The following ACOXL variants were observed in gnomAD, a reference collection of about 807,000 sequenced individuals.
ACOXL encodes the protein acyl-coenzyme A oxidase-like protein.
A neutral mutation model predicts 71.9 loss-of-function variants in ACOXL; 70 were observed. That is an observed-to-expected ratio of 0.97 (90% CI 0.80 to 1.19). The LOEUF is 1.19. ACOXL is among the 50% of genes most tolerant of loss of function. The pLI is 0.00. For synonymous variants in ACOXL, 253 were observed against 281.6 expected (o/e 0.90, Z 1.02); for missense variants, 703 against 736.3 (o/e 0.95, Z 0.52).
intron 10 of ACOXL, among the ~76,000 whole-genome samples, chr2:110,882,786 T>A (rs1048536418): frequency 1.1e-4 from 17 of 152,186 alleles, no homozygotes; most frequent in African/African-American, 1.7e-4. Context: ...TTTCAGGCCT[T>A]TTATTGATCA....
chr2:110,791,285 A>G (rs1559265745), intron 3 of ACOXL, among the ~76,000 whole-genome samples: 2 of 152,356 alleles, frequency 1.3e-5, no homozygotes, highest in East Asian at 3.9e-4. Flanking sequence ...CAGGGTGCCT[A>G]CTAAGACATT....
At chr2:111,042,988 GGAAGTGCTGA>G (rs1299628381) in intron 15 of ACOXL, among the ~76,000 whole-genome samples, 2 of 152,196 alleles carry the variant, frequency 1.3e-5, no homozygotes, top group Non-Finnish European at 2.9e-5. Flanking sequence ...CTGTCCCTTG[GGAAGTGCTGA>G]GATCCCAGTG....
At chr2:110,827,172 G>A (rs560496724) in intron 9 of ACOXL, among the ~76,000 whole-genome samples, 1 of 152,306 alleles carries the variant, frequency 6.6e-6, no homozygotes, top group Non-Finnish European at 1.5e-5. Flanking sequence ...GATGGAAGAT[G>A]AACACACAGC....
At chr2:110,867,406 AT>A (rs756119248) in intron 10 of ACOXL, among the ~76,000 whole-genome samples, 2 of 152,184 alleles carry the variant, frequency 1.3e-5, no homozygotes, top group African/African-American at 2.4e-5. Context: ...TCCATCCATC[AT>A]TCTGTGCACA....
chr2:110,993,676 G>A (rs1262374113), intron 13 of ACOXL, among the ~76,000 whole-genome samples: 1 of 152,142 alleles, frequency 6.6e-6, no homozygotes, highest in Non-Finnish European at 1.5e-5. Context: ...CATAGGGTAT[G>A]TGTTCATTTA....
chr2:110,897,031 T>G (rs2059036810), intron 10 of ACOXL, among the ~76,000 whole-genome samples: 1 of 151,822 alleles, frequency 6.6e-6, no homozygotes, highest in African/African-American at 2.4e-5. Context: ...CAGAGTGAGT[T>G]CTCTGACCAT....
Position 111,117,746 on chromosome 2 carries a change from C to T in ACOXL, c.1673C>T (p.Pro558Leu), listed in dbSNP as rs1217208060. ...SNPRAAWAFY[P>L]APLQPRPREE... ...CCGCGGGCCGCGTGGGCTTTCTACC[C>T]TGCACCGCTGCAGCCGCGGCCACGG... Residue 558 changes from proline to leucine, a missense_variant, in exon 18 of 18, where the codon CCT becomes CTT. By Grantham distance (98) the Pro-to-Leu change is moderately conservative. Coordinates refer to ENST00000439055, the MANE Select transcript of ACOXL (RefSeq NM_001142807.4). 1.3e-5 allele frequency: 20 copies of T among 1,551,568 alleles called. No homozygotes were observed. Among genetic ancestry groups the T allele is most frequent in the Non-Finnish European group, 1.7e-5 (20 of 1,146,994 alleles).
chr2:111,054,201 C>G (rs1187814253), intron 16 of ACOXL, among the ~76,000 whole-genome samples: 1 of 152,214 alleles, frequency 6.6e-6, no homozygotes, highest in Non-Finnish European at 1.5e-5. Context: ...GTAGAAAAAC[C>G]AAGCTGCCTG....
chr2:110,817,952 C>CTT (rs1193171202), intron 9 of ACOXL, among the ~76,000 whole-genome samples: 35 of 115,732 alleles, frequency 3.0e-4, no homozygotes, highest in African/African-American at 6.7e-4. Flanking sequence ...ATGCTCCTGA[C>CTT]TTTTTTTTTT....
intron 1 of ACOXL, among the ~76,000 whole-genome samples, chr2:110,751,298 CAAAAAAAAAAAAA>C (rs765632647): frequency 4.5e-5 from 2 of 44,012 alleles, no homozygotes; most frequent in African/African-American, 1.5e-4. Flanking sequence ...GACTCCGTCT[CAAAAAAAAAAAAA>C]AAAAAAAAAA....
chr2:110,915,428 A>ATATTTTTTTTT (rs1315085098), intron 11 of ACOXL, among the ~76,000 whole-genome samples: 1 of 108,014 alleles, frequency 9.3e-6, no homozygotes, highest in African/African-American at 3.6e-5. Context: ...ATATATATAT[A>ATATTTTTTTTT]TTTTTTTTTT....
chr2:110,949,669 T>A (rs1451880173), intron 12 of ACOXL, among the ~76,000 whole-genome samples: 1 of 152,188 alleles, frequency 6.6e-6, no homozygotes, highest in African/African-American at 2.4e-5. Context: ...CATTTTTGAC[T>A]CCCTGACATT....
rs70958751 is a variant in ACOXL at position 110,960,697 on chromosome 2, G to GTTT, written c.1060-26402_1060-26400dup. Among the ~76,000 whole-genome samples the GTTT allele has an allele frequency of 3.5e-5, 5 of 143,000 alleles. No individual in the cohort carries two copies. The South Asian group carries it at 1.1e-3, about 31-fold the overall frequency. 93.8% of individuals were successfully genotyped at this position (143,000 alleles called of 152,430 possible). A position where few individuals can be genotyped will look rare whatever the true frequency, so the allele number is the denominator to read the frequency against. Reference sequence around the variant, plus strand: ...TTTTTTTAATGTATAAATTTTCTGGGTTTTTTTTTTTAACATTGCTTGTGT... The same window carrying GTTT: ...TTTTTTTAATGTATAAATTTTCTGGGTTTTTTTTTTTTTTAACATTGCTTGTGT... On this transcript the variant is annotated intron_variant, in intron 12 of 17. Coordinates refer to ENST00000439055, the MANE Select transcript of ACOXL (RefSeq NM_001142807.4).
chr2:111,087,031 C>G (rs772050506), intron 16 of ACOXL, among the ~76,000 whole-genome samples: 4 of 152,126 alleles, frequency 2.6e-5, no homozygotes, highest in Non-Finnish European at 5.9e-5. Context: ...AGAGCCAAAT[C>G]AGGAATGCAA....
intron 1 of ACOXL, among the ~76,000 whole-genome samples, chr2:110,749,709 C>T (rs1678674739): frequency 2.0e-5 from 3 of 152,208 alleles, no homozygotes; most frequent in Non-Finnish European, 4.4e-5. Flanking sequence ...GCCTGGGTGA[C>T]AGAGGGAGAC....
At chr2:110,867,495 T>G (rs1227266758) in intron 10 of ACOXL, among the ~76,000 whole-genome samples, 1 of 152,226 alleles carries the variant, frequency 6.6e-6, no homozygotes, top group African/African-American at 2.4e-5. Flanking sequence ...CCCTGATCAC[T>G]GGCATCTGTA....
chr2:110,764,562 A>G (rs937846138), intron 1 of ACOXL, among the ~76,000 whole-genome samples: 1 of 152,228 alleles, frequency 6.6e-6, no homozygotes, highest in Non-Finnish European at 1.5e-5. Context: ...GTATGATACT[A>G]TAATAGTAGA....
chr2:111,074,951 G>A (rs1014206879), intron 16 of ACOXL, among the ~76,000 whole-genome samples: 2 of 152,134 alleles, frequency 1.3e-5, no homozygotes, highest in Non-Finnish European at 2.9e-5. Context: ...TGGTCATGAT[G>A]TATTATTCTT....
chr2:110,938,608 G>C (rs1012959458), intron 12 of ACOXL, among the ~76,000 whole-genome samples: 3 of 152,236 alleles, frequency 2.0e-5, no homozygotes, highest in African/African-American at 7.2e-5. Context: ...GAATATTCAG[G>C]AGATAGCTGT....
Sources: gnomAD v4.1 joint callset for allele counts (sites outside exome capture counted in the v4.1 genomes callset) on GRCh38, gnomAD v4.1.1 for gene constraint, MANE v1.5 for transcripts, NCBI Gene and HGNC (gene_info 2026-07-23, HGNC 2026-07-21) for gene names.